Variants in CDC42SE2 observed in about 807,000 individuals in gnomAD.
CDC42SE2 encodes the protein CDC42 small effector protein 2.
Under a neutral mutation model 11.5 loss-of-function variants are expected in CDC42SE2, and 3 were observed. The observed-to-expected ratio is 0.26, with a 90% CI of 0.12 to 0.67. CDC42SE2 has a LOEUF of 0.67. CDC42SE2 is among the 30% of genes least tolerant of loss of function. CDC42SE2 has a pLI of 0.80. For synonymous variants in CDC42SE2, 33 were observed against 34.8 expected, an observed-to-expected ratio of 0.95 and a Z score of 0.18; for missense variants, 82 against 106.8, an observed-to-expected ratio of 0.77 and a Z score of 1.02.
At chr5:131,376,655 T>A (rs1750164443) in intron 3 of CDC42SE2, among the ~76,000 whole-genome samples, 1 of 152,104 alleles carries the variant, frequency 6.6e-6, no homozygotes, top group African/African-American at 2.4e-5. Flanking sequence ...CCTCCCACCC[T>A]CTACTCTCAG....
chr5:131,289,761 C>G (rs1025942089), intron 1 of CDC42SE2, among the ~76,000 whole-genome samples: 4 of 152,114 alleles, frequency 2.6e-5, no homozygotes, highest in Non-Finnish European at 5.9e-5. Flanking sequence ...CCAGTCTCTC[C>G]CAATTGTCCT....
chr5:131,354,067 T>C (rs1749460058), intron 2 of CDC42SE2, among the ~76,000 whole-genome samples: 1 of 151,918 alleles, frequency 6.6e-6, no homozygotes, highest in African/African-American at 2.4e-5. Context: ...TAGTGAGACC[T>C]TGTCTCTACA....
At chr5:131,310,269 C>A in intron 1 of CDC42SE2, among the ~76,000 whole-genome samples, 1 of 151,808 alleles carries the variant, frequency 6.6e-6, no homozygotes, top group Non-Finnish European at 1.5e-5. Context: ...GAGTGAGATT[C>A]TTAATCCTGA....
the CDC42SE2 span, among the ~76,000 whole-genome samples, chr5:131,216,501 C>CAAAAAAAA: frequency 0.011 from 482 of 42,096 alleles, 14 homozygotes; most frequent in African/African-American, 0.036. Flanking sequence ...GAACCTGTCT[C>CAAAAAAAA]AAAAAAAAAA....
intron 1 of CDC42SE2, among the ~76,000 whole-genome samples, chr5:131,290,486 GTT>G (rs532593648): frequency 9.7e-6 from 1 of 103,116 alleles, no homozygotes; most frequent in Non-Finnish European, 2.0e-5. Context: ...TTTTTTTTTT[GTT>G]TTTTTTTTTT....
chr5:131,232,606 C>T, the CDC42SE2 span, among the ~76,000 whole-genome samples: 7 of 151,696 alleles, frequency 4.6e-5, no homozygotes, highest in East Asian at 3.9e-4. Context: ...TGTTGGCGGG[C>T]GCCTGTAATC....
rs1345482366 is a variant in CDC42SE2 at position 131,393,265 on chromosome 5, G to A, written c.*2174G>A. On this transcript the variant is annotated 3_prime_UTR_variant, in exon 5 of 5. Coordinates refer to ENST00000505065, the MANE Select transcript of CDC42SE2 (RefSeq NM_001375635.1). Reference sequence around the variant, plus strand: ...TTAGTCCAAGATTCTTGCAAAACAGGCAACTGAACAAACATTAGGTTTATG... The same window carrying A: ...TTAGTCCAAGATTCTTGCAAAACAGACAACTGAACAAACATTAGGTTTATG... 6.6e-6 allele frequency: 1 copy of A among 152,278 alleles called. No homozygotes were observed. Among genetic ancestry groups the A allele is most frequent in the African/African-American group, 2.4e-5 (1 of 41,420 alleles). 9.4% of individuals were successfully genotyped at this position (152,278 alleles called of 1,614,324 possible).
chr5:131,276,912 G>T (rs1039605966), intron 1 of CDC42SE2, among the ~76,000 whole-genome samples: 8 of 150,802 alleles, frequency 5.3e-5, no homozygotes, highest in Admixed American at 1.3e-4. Flanking sequence ...ATTTTTTTTT[G>T]TATTTTTAGT....
intron 1 of CDC42SE2, among the ~76,000 whole-genome samples, chr5:131,313,824 A>T (rs1048471623): frequency 2.0e-5 from 3 of 151,952 alleles, no homozygotes; most frequent in Admixed American, 2.0e-4. Context: ...ATTTTATTTA[A>T]TTAATTTATT....
the CDC42SE2 span, among the ~76,000 whole-genome samples, chr5:131,232,591 A>G: frequency 5.3e-5 from 8 of 151,780 alleles, no homozygotes; most frequent in East Asian, 5.9e-4. Flanking sequence ...AACATTAGCC[A>G]GGTGTGTTGG....
intron 2 of CDC42SE2, among the ~76,000 whole-genome samples, chr5:131,322,005 C>T (rs919166128): frequency 2.0e-5 from 3 of 152,294 alleles, no homozygotes; most frequent in African/African-American, 7.2e-5. Context: ...CACCCGCCAC[C>T]ACGCCTGGCT....
intron 1 of CDC42SE2, among the ~76,000 whole-genome samples, chr5:131,268,615 G>GC (rs1379641285): frequency 2.6e-5 from 4 of 151,732 alleles, no homozygotes; most frequent in Non-Finnish European, 5.9e-5. Flanking sequence ...ACCATGCTCG[G>GC]CTAATTTTGT....
chr5:131,337,506 A>G (rs187154723), intron 2 of CDC42SE2, among the ~76,000 whole-genome samples: 2,027 of 152,218 alleles, frequency 0.013, 35 homozygotes, highest in African/African-American at 0.043. Flanking sequence ...TGTCAGACAG[A>G]GACATTTAAG....
upstream of CDC42SE2, chr5:131,263,672 T>C (rs1481909965): frequency 1.6e-5 from 2 of 127,882 alleles, no homozygotes; most frequent in Admixed American, 8.5e-5. Flanking sequence ...CCCCACAACG[T>C]GCGCAGACGT....
chr5:131,378,481 A>G (rs973551567), intron 3 of CDC42SE2, among the ~76,000 whole-genome samples: 4 of 152,208 alleles, frequency 2.6e-5, no homozygotes, highest in African/African-American at 7.2e-5. Flanking sequence ...CAATATTTCA[A>G]AAAACTAATG....
intron 3 of CDC42SE2, among the ~76,000 whole-genome samples, chr5:131,365,717 T>C (rs1370327076): frequency 6.6e-6 from 1 of 152,226 alleles, no homozygotes; most frequent in Non-Finnish European, 1.5e-5. Context: ...GCGTGGTGGC[T>C]CACACCTGTA....
intron 2 of CDC42SE2, among the ~76,000 whole-genome samples, chr5:131,353,910 T>C (rs1230071114): frequency 7.1e-6 from 1 of 140,556 alleles, no homozygotes; most frequent in Non-Finnish European, 1.6e-5. Context: ...AAACTCTGTC[T>C]AAAAAAAAAA....
chr5:131,305,004 C>T (rs934712839), intron 1 of CDC42SE2, among the ~76,000 whole-genome samples: 2 of 152,106 alleles, frequency 1.3e-5, no homozygotes, highest in Non-Finnish European at 2.9e-5. Context: ...CTTCTCAGCC[C>T]TTTGTAGGCC....
chr5:131,312,111 G>C (rs985624362), intron 1 of CDC42SE2, among the ~76,000 whole-genome samples: 1 of 152,172 alleles, frequency 6.6e-6, no homozygotes, highest in South Asian at 2.1e-4. Flanking sequence ...GTGATGTACA[G>C]ATGGGTTTTT....
Sources: allele counts gnomAD v4.1 joint callset (sites outside exome capture counted in the v4.1 genomes callset), GRCh38; gene constraint gnomAD v4.1.1; transcripts MANE v1.5; gene names NCBI Gene and HGNC (gene_info 2026-07-23, HGNC 2026-07-21).